The following SH3PXD2A variants were observed in gnomAD, a reference collection of about 807,000 sequenced individuals.
SH3PXD2A encodes the protein SH3 and PX domains 2A, also known as SH3 and PX domain-containing protein 2A.
SH3PXD2A carries 32 observed loss-of-function variants against 115.2 expected under a neutral mutation model. That is an observed-to-expected ratio of 0.28 (90% CI 0.21 to 0.37). SH3PXD2A has a LOEUF of 0.37. SH3PXD2A is among the 10% of genes least tolerant of loss of function. SH3PXD2A has a pLI of 1.00. For missense variants in SH3PXD2A, 1,328 were observed against 1,498.7 expected (o/e 0.89, Z 1.88); for synonymous variants, 610 against 629.1 (o/e 0.97, Z 0.45).
chr10:103,623,607 C>T (rs1347362215), intron 9 of SH3PXD2A, among the ~76,000 whole-genome samples: 1 of 152,136 alleles, frequency 6.6e-6, no homozygotes, highest in Non-Finnish European at 1.5e-5. Flanking sequence ...GAAGAGGGAC[C>T]TGTCTGACCT....
Position 103,755,711 on chromosome 10 carries a change from A to G in SH3PXD2A, c.229+11383T>C, listed in dbSNP as rs182886475. Among the ~76,000 whole-genome samples, 353 of 152,278 alleles carry G rather than the reference A, an allele frequency of 2.3e-3. 1 individual carries two copies. The highest frequency in any genetic ancestry group is 4.0e-3 in the Non-Finnish European group (273 of 68,014). On this transcript the variant is annotated intron_variant, in intron 3 of 14. Transcript: ENST00000369774. Reference sequence around the variant, plus strand: ...AGTAGAAAGCCCAGGTATGAACCAGATCTGCAGGAGCCCAAAGTCATTGCT... The same window carrying G: ...AGTAGAAAGCCCAGGTATGAACCAGGTCTGCAGGAGCCCAAAGTCATTGCT...
chr10:103,596,663 A>ACACACACACTCTCTCT lies in SH3PXD2A; in HGVS notation c.*5152_*5153insAGAGAGAGTGTGTGTG. 35 of 124,510 alleles carry ACACACACACTCTCTCT rather than the reference A, an allele frequency of 2.8e-4. No individual in the cohort carries two copies. The highest frequency in any genetic ancestry group is 7.2e-4 in the African/African-American group (23 of 31,752). The allele number at this position is 124,510 out of a possible 1,614,324, so 7.7% of individuals were successfully genotyped here. On this transcript the variant is annotated 3_prime_UTR_variant, in exon 15 of 15. Coordinates refer to ENST00000369774, the MANE Select transcript of SH3PXD2A (RefSeq NM_001394015.1). The stretch of plus-strand genomic sequence containing the variant: ...CACACACACACACACACACACACAC[A>ACACACACACTCTCTCT]CTCTCTCTCTCTCTCTCTCTCTCAC...
intron 5 of SH3PXD2A, among the ~76,000 whole-genome samples, chr10:103,722,125 G>A (rs2038189660): frequency 6.6e-6 from 1 of 151,870 alleles, no homozygotes; most frequent in Admixed American, 6.6e-5. Context: ...CCAACATGGT[G>A]AAACCCCGTC....
At chr10:103,635,425 C>A (rs949225069) in intron 8 of SH3PXD2A, among the ~76,000 whole-genome samples, 1 of 152,232 alleles carries the variant, frequency 6.6e-6, no homozygotes, top group Non-Finnish European at 1.5e-5. Flanking sequence ...CCCTCTGATA[C>A]CCGCCAGGGC....
chr10:103,786,864 G>A (rs528839233), intron 2 of SH3PXD2A, among the ~76,000 whole-genome samples: 21 of 152,070 alleles, frequency 1.4e-4, no homozygotes, highest in Non-Finnish European at 2.4e-4. Context: ...AACCTCCCCT[G>A]CCTCAGGAGG....
intron 2 of SH3PXD2A, among the ~76,000 whole-genome samples, chr10:103,770,540 C>T (rs1270832821): frequency 6.6e-6 from 1 of 152,208 alleles, no homozygotes; most frequent in Non-Finnish European, 1.5e-5. Flanking sequence ...ATTTCAATGT[C>T]TGGATATTGC....
At chr10:103,625,025 C>G (rs1381047497) in intron 9 of SH3PXD2A, among the ~76,000 whole-genome samples, 3 of 152,168 alleles carry the variant, frequency 2.0e-5, no homozygotes, top group African/African-American at 7.2e-5. Context: ...CGCACACACA[C>G]CCACACCCAC....
At chr10:103,851,168 G>T (rs986053693) in intron 1 of SH3PXD2A, among the ~76,000 whole-genome samples, 3 of 151,626 alleles carry the variant, frequency 2.0e-5, no homozygotes, top group Non-Finnish European at 4.4e-5. Flanking sequence ...AAAAAAGAAG[G>T]GCACAGAAAT....
intron 5 of SH3PXD2A, among the ~76,000 whole-genome samples, chr10:103,709,983 T>C (rs1385100557): frequency 6.6e-6 from 1 of 151,734 alleles, no homozygotes; most frequent in Non-Finnish European, 1.5e-5. Context: ...TAATCCCAGC[T>C]ACTTGGGAGG....
intron 5 of SH3PXD2A, chr10:103,693,278 C>T (rs1177942085): frequency 7.0e-6 from 1 of 143,372 alleles, no homozygotes; most frequent in Non-Finnish European, 1.5e-5. Context: ...CCCCCAGGCG[C>T]GATTCGCCCG....
At chr10:103,810,952 GCACACACA>G (rs71476608) in intron 1 of SH3PXD2A, among the ~76,000 whole-genome samples, 1 of 19,872 alleles carries the variant, frequency 5.0e-5, no homozygotes, top group East Asian at 4.0e-4. Flanking sequence ...GCGCGCGCGC[GCACACACA>G]CACACACACA....
Position 103,826,162 on chromosome 10 carries a change from C to T in SH3PXD2A, c.73-24800G>A, listed in dbSNP as rs530505503. ...GAAATCTTGTAAATTAAACAAATCA[C>T]AAATTGGCCTGCTTTGCACATCCAG... On this transcript the variant is annotated intron_variant, in intron 1 of 14. Transcript: ENST00000369774. 3.9e-5 allele frequency among the ~76,000 whole-genome samples: 6 copies of T among 152,270 alleles called. No individual in the cohort carries two copies. The East Asian group carries it at 1.2e-3, about 29-fold the overall frequency.
At chr10:103,719,722 T>TTTC in intron 5 of SH3PXD2A, among the ~76,000 whole-genome samples, 1 of 46,126 alleles carries the variant, frequency 2.2e-5, no homozygotes, top group African/African-American at 1.5e-4. Context: ...TTTTTCTTTC[T>TTTC]TTTTTTTTTT....
At chr10:103,670,020 G>A (rs1292951757) in intron 6 of SH3PXD2A, among the ~76,000 whole-genome samples, 1 of 152,212 alleles carries the variant, frequency 6.6e-6, no homozygotes, top group Admixed American at 6.5e-5. Flanking sequence ...CACACAGCTA[G>A]TACAGCAGTG....
chr10:103,681,768 G>A (rs1444182064), intron 6 of SH3PXD2A, among the ~76,000 whole-genome samples: 1 of 151,412 alleles, frequency 6.6e-6, no homozygotes, highest in South Asian at 2.1e-4. Flanking sequence ...CCGCGCGCGC[G>A]CGCGCACACA....
intron 2 of SH3PXD2A, among the ~76,000 whole-genome samples, chr10:103,773,443 C>CT (rs545361723): frequency 0.061 from 7,592 of 125,076 alleles, 604 homozygotes; most frequent in East Asian, 0.29. Flanking sequence ...TTCTTTCTTT[C>CT]TTTTTTTTTT....
intron 2 of SH3PXD2A, among the ~76,000 whole-genome samples, chr10:103,795,803 C>T (rs901011711): frequency 6.6e-6 from 1 of 151,672 alleles, no homozygotes; most frequent in Non-Finnish European, 1.5e-5. Context: ...TGTCCCAGAG[C>T]TGGCACACCG....
intron 3 of SH3PXD2A, among the ~76,000 whole-genome samples, chr10:103,750,779 C>T (rs530419237): frequency 6.9e-6 from 1 of 145,094 alleles, no homozygotes; most frequent in East Asian, 1.9e-4. Flanking sequence ...TTGAGGGGCA[C>T]GGGCTTTTTT....
chr10:103,618,207 T>G (rs530033101), intron 10 of SH3PXD2A, among the ~76,000 whole-genome samples: 1 of 152,312 alleles, frequency 6.6e-6, no homozygotes, highest in African/African-American at 2.4e-5. Flanking sequence ...AGGGCAGGTG[T>G]GGGGAGAGTG....
Sources: gnomAD v4.1 joint callset for allele counts (sites outside exome capture counted in the v4.1 genomes callset) on GRCh38, gnomAD v4.1.1 for gene constraint, MANE v1.5 for transcripts, NCBI Gene and HGNC (gene_info 2026-07-23, HGNC 2026-07-21) for gene names.